ADGRD1: variants seen among roughly 807,000 people sequenced by gnomAD.
ADGRD1 encodes adhesion G protein-coupled receptor D1.
Under a neutral mutation model 113.4 loss-of-function variants are expected in ADGRD1, and 77 were observed. That is an observed-to-expected ratio of 0.68 (90% CI 0.57 to 0.82). The LOEUF (loss-of-function observed/expected upper bound fraction) is 0.82. ADGRD1 is among the 40% of genes least tolerant of loss of function. ADGRD1 has a pLI of 0.00. For missense variants in ADGRD1, 1,036 were observed against 1,139.1 expected, an observed-to-expected ratio of 0.91 and a Z score of 1.30; for synonymous variants, 474 against 475.0, an observed-to-expected ratio of 1.00 and a Z score of 0.03.
chr12:131,039,872 C>G (rs1881939396), intron 13 of ADGRD1, among the ~76,000 whole-genome samples: 1 of 152,388 alleles, frequency 6.6e-6, no homozygotes, highest in East Asian at 1.9e-4. Flanking sequence ...TCTATGTTCC[C>G]TTGGCAAATA....
At chr12:131,105,913 C>CCGGTGACA in intron 17 of ADGRD1, 48 bp downstream of exon 17, 1 of 1,390,828 alleles carries the variant, frequency 7.2e-7, no homozygotes, top group Non-Finnish European at 1.0e-6. Context: ...CCCTTGCCTC[C>CCGGTGACA]TCGGATGTCA....
At chr12:130,989,678 G>A (rs1251271642) in intron 6 of ADGRD1, 2 of 152,350 alleles carry the variant, frequency 1.3e-5, no homozygotes, top group African/African-American at 4.8e-5. Flanking sequence ...GGGGCTGTAG[G>A]TGCCCAGAGG....
intron 7 of ADGRD1, 117 bp downstream of exon 7, chr12:130,991,195 T>C (rs1874341542): frequency 5.3e-6 from 4 of 755,562 alleles, no homozygotes; most frequent in Non-Finnish European, 4.5e-6. Context: ...CAGTACATTG[T>C]CTGGGAAGAA....
chr12:131,122,412 C>T (rs1950620862), intron 20 of ADGRD1, among the ~76,000 whole-genome samples: 1 of 152,116 alleles, frequency 6.6e-6, no homozygotes, highest in Non-Finnish European at 1.5e-5. Flanking sequence ...GGCCGCAGCG[C>T]CTCCCCGGGG....
intron 13 of ADGRD1, among the ~76,000 whole-genome samples, chr12:131,043,366 G>A (rs1277050415): frequency 6.6e-6 from 1 of 152,228 alleles, no homozygotes; most frequent in African/African-American, 2.4e-5. Context: ...AGTAGGAACC[G>A]CATCTTTGGG....
At chr12:131,116,215 T>C (rs926768157) in intron 18 of ADGRD1, among the ~76,000 whole-genome samples, 6 of 151,928 alleles carry the variant, frequency 3.9e-5, no homozygotes, top group Non-Finnish European at 8.8e-5. Context: ...GACACAGGGG[T>C]AGATGCAGGG....
chr12:131,070,875 C>T (rs755976194), intron 13 of ADGRD1: 9 of 518,916 alleles, frequency 1.7e-5, no homozygotes, highest in East Asian at 5.4e-5. Context: ...CTGCACGGGA[C>T]GTCCTGGAGA....
At chr12:130,987,450 A>G (rs1201686906) in intron 6 of ADGRD1, 101 bp downstream of exon 6, 2 of 1,360,612 alleles carry the variant, frequency 1.5e-6, no homozygotes, top group East Asian at 2.4e-5. Flanking sequence ...AGCTATCAGC[A>G]CTGCAGGCGT....
Position 131,108,730 on chromosome 12 carries a change from T to G in ADGRD1, c.1894T>G (p.Cys632Gly). 6.2e-7 allele frequency: 1 copy of G among 1,614,116 alleles called. No individual in the cohort carries two copies. The highest frequency in any genetic ancestry group is 8.5e-7 in the Non-Finnish European group (1 of 1,180,006). Reference sequence around the variant, plus strand: ...ATCTCTGGTTAAATCCTAGACCCCCTGCCAAGTGATGGCCGTGCTCCTACA... The same window carrying G: ...ATCTCTGGTTAAATCCTAGACCCCCGGCCAAGTGATGGCCGTGCTCCTACA... ...SFRLEPGTTPCQVMAVLLHYF... is the reference protein window; with the variant it reads ...SFRLEPGTTPGQVMAVLLHYF... Residue 632 changes from cysteine to glycine, a missense_variant, in exon 18 of 25, where the codon TGC (cysteine) becomes GGC (glycine). By Grantham distance (159) the Cys-to-Gly change is radical. Transcript: ENST00000261654.
chr12:131,054,592 G>A (rs142660578), intron 13 of ADGRD1, among the ~76,000 whole-genome samples: 6 of 152,228 alleles, frequency 3.9e-5, no homozygotes, highest in African/African-American at 9.6e-5. Flanking sequence ...GCTCCAGTTC[G>A]GTTCCCTGTA....
intron 13 of ADGRD1, among the ~76,000 whole-genome samples, chr12:131,024,900 C>T (rs796871261): frequency 6.6e-6 from 1 of 152,232 alleles, no homozygotes; most frequent in Non-Finnish European, 1.5e-5. Context: ...CATTTTCTCA[C>T]TGGTCCTGAG....
At chr12:131,136,253 G>C in intron 22 of ADGRD1, 90 bp downstream of exon 22, 1 of 1,472,398 alleles carries the variant, frequency 6.8e-7, no homozygotes, top group Non-Finnish European at 9.3e-7. Flanking sequence ...GCAGGAGGGA[G>C]GCCTGCCCTC....
At position 130,996,701 on chromosome 12, in the gene ADGRD1, G is replaced by A. The variant is rs1157451917; in HGVS notation, c.967-3682G>A. 5.7e-5 allele frequency among the ~76,000 whole-genome samples: 5 copies of A among 88,014 alleles called. 1 individual carries two copies. Among genetic ancestry groups the A allele is most frequent in the Non-Finnish European group, 9.7e-5 (4 of 41,060 alleles). 57.7% of individuals were successfully genotyped at this position (88,014 alleles called of 152,430 possible). On this transcript the variant is annotated intron_variant, in intron 8 of 24. Transcript: ENST00000261654. ...TCCCAGACGGGGCGGCTGGCCGGGC[G>A]GGGGGCTGACCCCCCCACCACCCTC...
At chr12:131,055,465 G>T (rs1023837774) in intron 13 of ADGRD1, among the ~76,000 whole-genome samples, 3 of 152,294 alleles carry the variant, frequency 2.0e-5, no homozygotes, top group Admixed American at 1.3e-4. Context: ...CATCTCACAG[G>T]TTCCCTTGCC....
At chr12:130,997,379 C>G (rs1441058616) in intron 8 of ADGRD1, among the ~76,000 whole-genome samples, 3 of 113,650 alleles carry the variant, frequency 2.6e-5, no homozygotes, top group Admixed American at 8.4e-5. Context: ...GGGTGGCTGC[C>G]GGGCGGAGGG....
chr12:131,105,028 G>A, intron 16 of ADGRD1, 94 bp downstream of exon 16: 2 of 868,454 alleles, frequency 2.3e-6, no homozygotes, highest in East Asian at 2.8e-5. Flanking sequence ...GGGAGGGGCT[G>A]TGGAGGTAAG....
intron 14 of ADGRD1, among the ~76,000 whole-genome samples, chr12:131,080,721 C>T (rs1274527630): frequency 2.6e-5 from 4 of 152,216 alleles, no homozygotes; most frequent in East Asian, 1.9e-4. Flanking sequence ...CCCAGGTTCA[C>T]GCCGTTCTCC....
intron 3 of ADGRD1, chr12:130,968,752 C>T: frequency 1.8e-6 from 1 of 541,646 alleles, no homozygotes; most frequent in East Asian, 3.2e-5. Flanking sequence ...AGCCATCACG[C>T]CCTGGTGTGG....
At chr12:131,109,933 T>G (rs1950314460) in intron 18 of ADGRD1, among the ~76,000 whole-genome samples, 1 of 152,238 alleles carries the variant, frequency 6.6e-6, no homozygotes, top group Non-Finnish European at 1.5e-5. Flanking sequence ...AGTTGACCCT[T>G]TTACATTTAT....
Sources: allele counts gnomAD v4.1 joint callset (sites outside exome capture counted in the v4.1 genomes callset), GRCh38; gene constraint gnomAD v4.1.1; transcripts MANE v1.5; gene names NCBI Gene and HGNC (gene_info 2026-07-23, HGNC 2026-07-21).